KCTD16: variants seen among roughly 807,000 people sequenced by gnomAD.
KCTD16 encodes the protein potassium channel tetramerization domain containing 16.
A neutral mutation model predicts 33.2 loss-of-function variants in KCTD16; 13 were observed. That is an observed-to-expected ratio of 0.39 (90% CI 0.25 to 0.62). The LOEUF is 0.62. KCTD16 is among the 20% of genes least tolerant of loss of function. The pLI is 0.50. For synonymous variants in KCTD16, 197 were observed against 195.3 expected, an observed-to-expected ratio of 1.01 and a Z score of -0.07; for missense variants, 441 against 525.1, an observed-to-expected ratio of 0.84 and a Z score of 1.57.
At chr5:144,430,779 G>C (rs183193058) in intron 3 of KCTD16, among the ~76,000 whole-genome samples, 2 of 151,390 alleles carry the variant, frequency 1.3e-5, no homozygotes, top group East Asian at 3.9e-4. Context: ...TGAGGATACT[G>C]ATCCAGCCTC....
In KCTD16 at chr5:144,299,116, A is replaced by G. The variant is rs1392285920; in HGVS notation, c.832+91570A>G. 5.1e-4 allele frequency among the ~76,000 whole-genome samples: 8 copies of G among 15,724 alleles called. 1 individual carries two copies. Among genetic ancestry groups the G allele is most frequent in the African/African-American group, 3.2e-3 (5 of 1,546 alleles). 10.3% of individuals were successfully genotyped at this position (15,724 alleles called of 152,430 possible). A position where few individuals can be genotyped will look rare whatever the true frequency, so the allele number is the denominator to read the frequency against. ...ACTATGTATATATATATATATATAT[A>G]TATATATATATATATATATATATAT... On this transcript the variant is annotated intron_variant, in intron 3 of 3. Coordinates refer to ENST00000512467, the MANE Select transcript of KCTD16 (RefSeq NM_020768.4).
At chr5:144,396,912 T>TTTTA (rs370124506) in intron 3 of KCTD16, among the ~76,000 whole-genome samples, 21 of 141,058 alleles carry the variant, frequency 1.5e-4, no homozygotes, top group Admixed American at 2.1e-4. Context: ...ACTTTATTTA[T>TTTTA]TATATATATA....
At chr5:144,322,728 A>AT (rs1752106294) in intron 3 of KCTD16, among the ~76,000 whole-genome samples, 1 of 129,608 alleles carries the variant, frequency 7.7e-6, no homozygotes, top group Non-Finnish European at 1.6e-5. Flanking sequence ...AAACTTTATT[A>AT]AAAAAAAAAA....
chr5:144,409,540 C>T (rs910460624), intron 3 of KCTD16, among the ~76,000 whole-genome samples: 2 of 151,864 alleles, frequency 1.3e-5, no homozygotes, highest in African/African-American at 2.4e-5. Context: ...CTCTTATATT[C>T]TCAAGGAGAA....
At chr5:144,178,714 A>C (rs1488386388) in intron 2 of KCTD16, among the ~76,000 whole-genome samples, 4 of 152,230 alleles carry the variant, frequency 2.6e-5, no homozygotes, top group African/African-American at 7.2e-5. Context: ...ATCATTTAAA[A>C]TATTATTTGA....
intron 3 of KCTD16, among the ~76,000 whole-genome samples, chr5:144,271,435 G>C (rs1330648452): frequency 6.6e-6 from 1 of 151,802 alleles, no homozygotes; most frequent in Non-Finnish European, 1.5e-5. Context: ...AAAATTATTT[G>C]ATAAAACTTA....
At chr5:144,332,332 A>G (rs1407359181) in intron 3 of KCTD16, among the ~76,000 whole-genome samples, 1 of 152,106 alleles carries the variant, frequency 6.6e-6, no homozygotes, top group Non-Finnish European at 1.5e-5. Context: ...GGGCCTGGAG[A>G]TTCTGGGTTG....
chr5:144,423,584 A>C (rs575934102), intron 3 of KCTD16, among the ~76,000 whole-genome samples: 1 of 152,292 alleles, frequency 6.6e-6, no homozygotes, highest in African/African-American at 2.4e-5. Flanking sequence ...GATACTACTA[A>C]GTATCTTACA....
intron 3 of KCTD16, among the ~76,000 whole-genome samples, chr5:144,453,962 C>T (rs373420509): frequency 6.6e-6 from 1 of 152,018 alleles, no homozygotes; most frequent in African/African-American, 2.4e-5. Context: ...TGTGTAACAC[C>T]GAGCCCAGTC....
chr5:144,346,149 C>G (rs1012714263), intron 3 of KCTD16, among the ~76,000 whole-genome samples: 1 of 152,050 alleles, frequency 6.6e-6, no homozygotes, highest in African/African-American at 2.4e-5. Flanking sequence ...TAGCATAATG[C>G]TCCCCAGTTC....
intron 3 of KCTD16, among the ~76,000 whole-genome samples, chr5:144,332,476 A>C (rs1289866243): frequency 2.0e-5 from 3 of 152,180 alleles, no homozygotes. Flanking sequence ...TGACAGTAGC[A>C]GAGAGGGTTG....
At chr5:144,187,952 C>T (rs80073036) in intron 2 of KCTD16, among the ~76,000 whole-genome samples, 10 of 152,092 alleles carry the variant, frequency 6.6e-5, no homozygotes, top group African/African-American at 9.7e-5. Context: ...CCAGCCCCAC[C>T]GGAAGTGGAT....
rs942070434 is a variant in KCTD16 at position 144,484,595 on chromosome 5, C to G, written c.*10481C>G. 6.6e-6 allele frequency: 1 copy of G among 151,986 alleles called. No homozygotes were observed. The highest frequency in any genetic ancestry group is 1.5e-5 in the Non-Finnish European group (1 of 67,944). 9.4% of individuals were successfully genotyped at this position (151,986 alleles called of 1,614,324 possible). On this transcript the variant is annotated 3_prime_UTR_variant, in exon 4 of 4. Transcript: ENST00000512467. ...ACCTGGAAATTTCAAGTGCATCTGA[C>G]CAGGGATTATCAAGCTCCTTGTGAC... is the stretch of plus-strand genomic sequence containing the variant.
chr5:144,364,233 G>A (rs1751782163), intron 3 of KCTD16, among the ~76,000 whole-genome samples: 3 of 152,204 alleles, frequency 2.0e-5, no homozygotes, highest in Admixed American at 1.3e-4. Flanking sequence ...CTGGTGGCAC[G>A]GTCAAGCTTC....
chr5:144,305,020 G>C (rs1751563659), intron 3 of KCTD16, among the ~76,000 whole-genome samples: 2 of 130,044 alleles, frequency 1.5e-5, no homozygotes, highest in South Asian at 4.7e-4. Context: ...GCTTTCCTGG[G>C]CTTTTGCCTC....
rs1305265145 is a variant in KCTD16, at chr5:144,227,288, C to T, written c.832+19742C>T. Among the ~76,000 whole-genome samples, 5 of 152,132 alleles carry T rather than the reference C, an allele frequency of 3.3e-5. No individual in the cohort carries two copies. In the East Asian group the frequency reaches 9.6e-4, roughly 29 times the overall value. On this transcript the variant is annotated intron_variant, in intron 3 of 3. Coordinates refer to ENST00000512467, the MANE Select transcript of KCTD16 (RefSeq NM_020768.4). ...TAAATAAAGGCTTGTAGAAGATGAA[C>T]TTTCAAACTATGGGGAATCTGACAG...
chr5:144,360,710 G>A (rs554608191), intron 3 of KCTD16, among the ~76,000 whole-genome samples: 54 of 152,212 alleles, frequency 3.5e-4, no homozygotes, highest in African/African-American at 8.4e-4. Context: ...GATTACAGGC[G>A]TGAGCCACAG....
Position 144,207,320 on chromosome 5 carries a change from A to G in KCTD16, c.606A>G (p.Lys202=), listed in dbSNP as rs756758031. ...ILVCGRISLA[K]EVFGETLNES... is the part of the protein sequence containing the mutation. ...TTTGTGGAAGGATTTCCTTGGCAAA[A>G]GAAGTCTTTGGAGAAACTTTGAATG... The change falls in exon 3 of 4, where the codon AAA becomes AAG. Residue 202 remains lysine (K), a synonymous_variant. Coordinates refer to ENST00000512467, the MANE Select transcript of KCTD16 (RefSeq NM_020768.4). 39 of 1,614,110 alleles carry G rather than the reference A, an allele frequency of 2.4e-5. No individual in the cohort carries two copies. The highest frequency in any genetic ancestry group is 2.3e-5 in the Non-Finnish European group (27 of 1,180,056).
At chr5:144,285,243 A>G (rs1755711692) in intron 3 of KCTD16, among the ~76,000 whole-genome samples, 1 of 152,226 alleles carries the variant, frequency 6.6e-6, no homozygotes, top group African/African-American at 2.4e-5. Flanking sequence ...GGAACCTAAA[A>G]TTAGTTTTCA....
Sources: gnomAD v4.1 joint callset for allele counts (sites outside exome capture counted in the v4.1 genomes callset) on GRCh38, gnomAD v4.1.1 for gene constraint, MANE v1.5 for transcripts, NCBI Gene and HGNC (gene_info 2026-07-23, HGNC 2026-07-21) for gene names.